The following MEIKIN variants were observed in gnomAD, a reference collection of about 807,000 sequenced individuals.
MEIKIN encodes meiotic kinetochore factor, also known as meiosis-specific kinetochore protein.
intron 12 of MEIKIN, among the ~76,000 whole-genome samples, chr5:131,818,040 T>C (rs1181380888): frequency 6.6e-6 from 1 of 152,206 alleles, no homozygotes; most frequent in Non-Finnish European, 1.5e-5. Flanking sequence ...AAAGATTGAA[T>C]TCCTCTCTAC....
chr5:131,879,109 A>G, intron 8 of MEIKIN, 61 bp from the exon 9 acceptor site: 3 of 397,708 alleles, frequency 7.5e-6, no homozygotes, highest in Non-Finnish European at 4.4e-6. Flanking sequence ...CTATGAGTCC[A>G]AAGGACAAGA....
chr5:131,878,262 G>A (rs1019093034), intron 9 of MEIKIN, among the ~76,000 whole-genome samples: 1 of 152,120 alleles, frequency 6.6e-6, no homozygotes, highest in African/African-American at 2.4e-5. Context: ...TAGCTGAAAA[G>A]GAATTCCTAT....
chr5:131,855,872 T>C (rs1035322531), intron 9 of MEIKIN, among the ~76,000 whole-genome samples: 2 of 152,254 alleles, frequency 1.3e-5, no homozygotes, highest in East Asian at 3.9e-4. Context: ...GTAAGAGTGA[T>C]AGTCAAACAG....
rs1751159673 is a variant in MEIKIN at position 131,901,701 on chromosome 5, T to C, written c.703+10114A>G. ...GGGCCTGATACCAGCCCCACAGAAT[T>C]GGAGCACACAATCCAGAGGTCCTGA... On this transcript the variant is annotated intron_variant, in intron 8 of 12. Transcript: ENST00000442687. 3.9e-5 allele frequency among the ~76,000 whole-genome samples: 6 copies of C among 152,186 alleles called. No individual in the cohort carries two copies. The South Asian group carries it at 1.2e-3, about 32-fold the overall frequency.
chr5:131,920,449 G>C (rs1751485259), intron 6 of MEIKIN, among the ~76,000 whole-genome samples: 1 of 152,180 alleles, frequency 6.6e-6, no homozygotes. Flanking sequence ...AGGAGAAACA[G>C]AGTTTACAGT....
chr5:131,858,710 A>T (rs1356556900), intron 9 of MEIKIN, among the ~76,000 whole-genome samples: 2 of 152,216 alleles, frequency 1.3e-5, no homozygotes, highest in African/African-American at 4.8e-5. Flanking sequence ...TATCCAGGAT[A>T]TATAAGGAAC....
chr5:131,855,448 AAGAC>A (rs1275656519), intron 9 of MEIKIN, among the ~76,000 whole-genome samples: 1 of 152,092 alleles, frequency 6.6e-6, no homozygotes, highest in Admixed American at 6.6e-5. Flanking sequence ...GAAAGAGTAA[AAGAC>A]AGAGTGAGGA....
At chr5:131,894,298 G>T (rs1472894458) in intron 8 of MEIKIN, among the ~76,000 whole-genome samples, 1 of 152,202 alleles carries the variant, frequency 6.6e-6, no homozygotes, top group Admixed American at 6.5e-5. Context: ...TTTGGTTACT[G>T]TAGCCTTGTA....
rs182503020 is a variant in MEIKIN, at chr5:131,932,431, G to C, written c.478+1082C>G. Among the ~76,000 whole-genome samples, 9 of 152,276 alleles carry C rather than the reference G, an allele frequency of 5.9e-5. No individual in the cohort carries two copies. The East Asian group carries it at 1.7e-3, about 29-fold the overall frequency. On this transcript the variant is annotated intron_variant, in intron 5 of 12. Transcript: ENST00000442687. ...TCCACTCTGTAACTCTCATTCTGGGGTTCCACGAGAGAGGCAGAAGCTAAT... is the reference window on the plus strand; with the variant it reads ...TCCACTCTGTAACTCTCATTCTGGGCTTCCACGAGAGAGGCAGAAGCTAAT...
chr5:131,910,298 A>G (rs1254806563), intron 8 of MEIKIN, among the ~76,000 whole-genome samples: 2 of 151,722 alleles, frequency 1.3e-5, no homozygotes, highest in Non-Finnish European at 1.5e-5. Flanking sequence ...GGTCATTATG[A>G]TAAGTGAAAT....
At chr5:131,840,505 T>C (rs941806960) in intron 11 of MEIKIN, among the ~76,000 whole-genome samples, 1 of 152,240 alleles carries the variant, frequency 6.6e-6, no homozygotes, top group Non-Finnish European at 1.5e-5. Context: ...ATTTGCTCTC[T>C]TACATAATCC....
chr5:131,829,537 G>A (rs959953868), intron 11 of MEIKIN, among the ~76,000 whole-genome samples: 2 of 152,090 alleles, frequency 1.3e-5, no homozygotes, highest in Non-Finnish European at 2.9e-5. Flanking sequence ...GGTAAATTTG[G>A]TGAATCTGAA....
intron 11 of MEIKIN, among the ~76,000 whole-genome samples, chr5:131,833,711 C>A (rs1400482156): frequency 6.6e-6 from 1 of 151,866 alleles, no homozygotes; most frequent in Non-Finnish European, 1.5e-5. Context: ...GAAAGACAAG[C>A]CCCCATGATT....
chr5:131,939,319 C>T (rs1306464218), intron 4 of MEIKIN, among the ~76,000 whole-genome samples: 3 of 151,136 alleles, frequency 2.0e-5, no homozygotes, highest in Admixed American at 6.6e-5. Flanking sequence ...AACCTTTAGC[C>T]TGAATCAGTT....
intron 8 of MEIKIN, among the ~76,000 whole-genome samples, chr5:131,897,167 T>G (rs978157728): frequency 3.3e-5 from 5 of 152,348 alleles, no homozygotes; most frequent in South Asian, 4.1e-4. Flanking sequence ...GATATGAAAT[T>G]CTGGGTTGAA....
rs191988213 is a variant in MEIKIN, at chr5:131,865,258, C to T, written c.775-10424G>A. On this transcript the variant is annotated intron_variant, in intron 9 of 12. Coordinates refer to ENST00000442687, the MANE Select transcript of MEIKIN (RefSeq NM_001303622.2). ...TTTTTTAGATGGAGTCATGCTCTGA[C>T]GCCCAGGCTGGAGTGCAGTGGCACA... is the stretch of plus-strand genomic sequence containing the variant. 2.6e-3 allele frequency among the ~76,000 whole-genome samples: 398 copies of T among 151,432 alleles called. 3 individuals carry two copies. Among genetic ancestry groups the T allele is most frequent in the African/African-American group, 9.2e-3 (380 of 41,262 alleles).
chr5:131,915,610 G>C (rs998741611), intron 7 of MEIKIN, among the ~76,000 whole-genome samples: 1 of 152,038 alleles, frequency 6.6e-6, no homozygotes, highest in African/African-American at 2.4e-5. Flanking sequence ...GCAGATAAAG[G>C]GATATGATCA....
chr5:131,897,516 G>T (rs141158210), intron 8 of MEIKIN, among the ~76,000 whole-genome samples: 2,831 of 152,262 alleles, frequency 0.019, 92 homozygotes, highest in African/African-American at 0.064. Flanking sequence ...ATCACTTTCA[G>T]GTACACCAGT....
At chr5:131,941,176 G>A (rs1246830558) in intron 4 of MEIKIN, among the ~76,000 whole-genome samples, 2 of 9,200 alleles carry the variant, frequency 2.2e-4, no homozygotes, top group Non-Finnish European at 5.6e-4. Flanking sequence ...TTTTTTTTTT[G>A]TGACGAAGTC....
Sources: allele counts gnomAD v4.1 joint callset (sites outside exome capture counted in the v4.1 genomes callset), GRCh38; gene constraint gnomAD v4.1.1; transcripts MANE v1.5; gene names NCBI Gene and HGNC (gene_info 2026-07-23, HGNC 2026-07-21).